The following SLC39A6 variants were observed in gnomAD, a reference collection of about 807,000 sequenced individuals.
SLC39A6 encodes the protein solute carrier family 39 member 6, also known as zinc transporter ZIP6.
In SLC39A6, 51 loss-of-function variants were observed where a neutral mutation model predicts 63.5. That is an observed-to-expected ratio of 0.80 (90% confidence interval 0.64 to 1.01). The LOEUF is 1.01. Ranked by LOEUF, SLC39A6 falls within the 50% of genes least tolerant of loss-of-function variation. The pLI is 0.00. For missense variants in SLC39A6, 805 were observed against 927.8 expected (o/e 0.87, Z 1.72); for synonymous variants, 318 against 324.7 (o/e 0.98, Z 0.22).
At position 36,126,466 on chromosome 18, in the gene SLC39A6, C is replaced by T. The variant is rs1567961880; in HGVS notation, c.542G>A (p.Ser181Asn). Residue 181 changes from serine (S) to asparagine (N), a missense_variant, in exon 2 of 10, where the codon AGT becomes AAT. Transcript: ENST00000269187. Reference sequence around the variant, plus strand: ...TGAGGTCACTTCACTAGCACTAACACTGTCCTTGACATTCCTTCTACCACT... The same window carrying T: ...TGAGGTCACTTCACTAGCACTAACATTGTCCTTGACATTCCTTCTACCACT... ...HASGRRNVKDSVSASEVTSTV... is the reference protein window; with the variant it reads ...HASGRRNVKDNVSASEVTSTV... The T allele has an allele frequency of 1.2e-6, 2 of 1,614,274 alleles. No individual in the cohort carries two copies. Among genetic ancestry groups the T allele is most frequent in the Non-Finnish European group, 1.7e-6 (2 of 1,180,048 alleles).
rs748741157 is a variant in SLC39A6 at position 36,127,011 on chromosome 18, G to A, written c.-4C>T. 26 of 1,589,214 alleles carry A rather than the reference G, an allele frequency of 1.6e-5. No homozygotes were observed. Among genetic ancestry groups the A allele is most frequent in the Non-Finnish European group, 2.0e-5 (23 of 1,168,828 alleles). On this transcript the variant is annotated 5_prime_UTR_variant, in exon 2 of 10. Coordinates refer to ENST00000269187, the MANE Select transcript of SLC39A6 (RefSeq NM_012319.4). ...TTACAGATAACTTCCTCGCCATTGC[G>A]CCTTCCTAGAAAAGACAGGAAAAAA...
At chr18:36,118,836 T>A (rs1013587405) in intron 5 of SLC39A6, among the ~76,000 whole-genome samples, 1 of 152,176 alleles carries the variant, frequency 6.6e-6, no homozygotes, top group Non-Finnish European at 1.5e-5. Flanking sequence ...AGGCTCCTAT[T>A]AGGAGGCAGT....
intron 1 of SLC39A6, among the ~76,000 whole-genome samples, chr18:36,127,778 G>GTTT (rs34708394): frequency 1.6e-4 from 21 of 130,212 alleles, no homozygotes; most frequent in East Asian, 2.3e-4. Flanking sequence ...TTTTTTTAAA[G>GTTT]TTTTTTTTTT....
Position 36,124,624 on chromosome 18 carries a change from T to G in SLC39A6, c.866A>C (p.Tyr289Ser). 1 of 1,598,872 alleles carries G rather than the reference T, an allele frequency of 6.3e-7. No individual in the cohort carries two copies. Among genetic ancestry groups the G allele is most frequent in the Non-Finnish European group, 8.6e-7 (1 of 1,167,752 alleles). The change falls in exon 3 of 10, where the codon TAT becomes TCT. Residue 289 changes from tyrosine to serine, a missense_variant. Physicochemically the swap from Tyr to Ser is moderately radical, Grantham distance 144. Around this residue, in one of 4 missense-constraint regions of SLC39A6, gnomAD observed 639 missense variants for 644.0 expected, o/e 0.99. Transcript: ENST00000269187. Reference protein sequence around the residue: ...QVPLNATEFNYLCPAIINQID... With the variant: ...QVPLNATEFNSLCPAIINQID... ...TTGGTTGATGATGGCTGGACAGAGATAGTTGAACTCTGTTGCATTCAGCGG... is the reference window on the plus strand; with the variant it reads ...TTGGTTGATGATGGCTGGACAGAGAGAGTTGAACTCTGTTGCATTCAGCGG...
chr18:36,114,399 T>C lies in SLC39A6; in HGVS notation c.1541A>G (p.Glu514Gly). Residue 514 changes from glutamate (E) to glycine (G), a missense_variant, in exon 7 of 10, where the codon GAA (glutamate) becomes GGA (glycine). Glu to Gly is a moderately conservative substitution (Grantham distance 98, BLOSUM62 -2). Around this residue, in one of 4 missense-constraint regions of SLC39A6, gnomAD observed 639 missense variants for 644.0 expected, o/e 0.99. Coordinates refer to ENST00000269187, the MANE Select transcript of SLC39A6 (RefSeq NM_012319.4). ...AGCATGAGCTATCATGACCTCTTCT[T>C]CTTCCAAGACTGCAGGCTGCTGAGA... The part of the protein sequence containing the change: ...FDSQQPAVLE[E>G]EEVMIAHAHP... The C allele has an allele frequency of 6.2e-7, 1 of 1,614,238 alleles. No individual in the cohort carries two copies. Among genetic ancestry groups the C allele is most frequent in the Non-Finnish European group, 8.5e-7 (1 of 1,180,042 alleles).
At chr18:36,116,585 G>T in intron 6 of SLC39A6, 89 bp downstream of exon 6, 1 of 850,298 alleles carries the variant, frequency 1.2e-6, no homozygotes, top group Non-Finnish European at 1.9e-6. Context: ...CAAGGGACAT[G>T]GTCCCATTTC....
At chr18:36,120,582 C>T (rs1311421639) in intron 5 of SLC39A6, among the ~76,000 whole-genome samples, 4 of 152,214 alleles carry the variant, frequency 2.6e-5, no homozygotes, top group East Asian at 1.9e-4. Flanking sequence ...AACCTCTTCA[C>T]GCCAGTTATA....
intron 5 of SLC39A6, 73 bp from the exon 6 acceptor site, chr18:36,116,852 G>T: frequency 9.4e-7 from 1 of 1,061,798 alleles, no homozygotes; most frequent in Non-Finnish European, 1.4e-6. Context: ...TCAATAACCA[G>T]GTAAGCAAAA....
chr18:36,117,575 T>A (rs1336264066), intron 5 of SLC39A6, among the ~76,000 whole-genome samples: 1 of 152,184 alleles, frequency 6.6e-6, no homozygotes, highest in African/African-American at 2.4e-5. Context: ...TGTCTGTGTA[T>A]CATCTACTTA....
rs1189532714 is a variant in SLC39A6, at chr18:36,114,127, G to A, written c.1813C>T (p.Leu605=). 1 of 1,612,152 alleles carries A rather than the reference G, an allele frequency of 6.2e-7. No homozygotes were observed. Among genetic ancestry groups the A allele is most frequent in the African/African-American group, 1.3e-5 (1 of 74,884 alleles). Residue 605 remains leucine, a synonymous_variant, in exon 7 of 10, where the codon CTG becomes TTG. Coordinates refer to ENST00000269187, the MANE Select transcript of SLC39A6 (RefSeq NM_012319.4). The part of the protein sequence containing the change: ...LAWMVIMGDG[L]HNFSDGLAIG... ...GCTAGGCCATCGCTGAAATTGTGCA[G>A]GCCATCACCCATTATCACCATCCAG...
At chr18:36,109,790 T>C (rs565520323) in intron 9 of SLC39A6, 45 bp from the exon 10 acceptor site, 96 of 1,536,792 alleles carry the variant, frequency 6.2e-5, no homozygotes, top group Middle Eastern at 1.7e-4. Context: ...TTTAAGTTTT[T>C]AGAACTACAG....
chr18:36,116,710 G>C lies in SLC39A6; in HGVS notation c.1429C>G (p.Leu477Val), dbSNP rs1404374844. The C allele has an allele frequency of 5.0e-6, 8 of 1,612,870 alleles. No individual in the cohort carries two copies. The highest frequency in any genetic ancestry group is 6.8e-6 in the Non-Finnish European group (8 of 1,179,298). The change falls in exon 6 of 10, where the codon CTT becomes GTT. Residue 477 changes from leucine to valine, a missense_variant. Physicochemically the swap from Leu to Val is conservative, Grantham distance 32 (BLOSUM62 1). Around this residue, in one of 4 missense-constraint regions of SLC39A6, gnomAD observed 639 missense variants for 644.0 expected, o/e 0.99. Coordinates refer to ENST00000269187, the MANE Select transcript of SLC39A6 (RefSeq NM_012319.4). ...KKQLSKYESQLSTNEEKVDTD... is the reference protein window; with the variant it reads ...KKQLSKYESQVSTNEEKVDTD... ...TCTACTTTCTCCTCATTTGTTGAAA[G>C]TTGAGATTCATACTTGGACAACTGC...
chr18:36,123,583 C>A lies in SLC39A6; in HGVS notation c.1052G>T (p.Arg351Leu), dbSNP rs1268564771. The A allele has an allele frequency of 6.2e-6, 10 of 1,613,452 alleles. No individual in the cohort carries two copies. Among genetic ancestry groups the A allele is most frequent in the Non-Finnish European group, 8.5e-6 (10 of 1,179,842 alleles). The change falls in exon 4 of 10, where the codon CGG becomes CTG. Residue 351 changes from arginine (R) to leucine (L), a missense_variant. Physicochemically the swap from Arg to Leu is moderately radical, Grantham distance 102. Transcript: ENST00000269187. ...LGVILVPLMN[R>L]VFFKFLLSFL... ...ACTCAGGAGAAATTTGAAAAACACCCGATTCATGAGAGGCACTAAGATAAC... is the reference window on the plus strand; with the variant it reads ...ACTCAGGAGAAATTTGAAAAACACCAGATTCATGAGAGGCACTAAGATAAC...
At chr18:36,117,109 C>A (rs749031241) in intron 5 of SLC39A6, among the ~76,000 whole-genome samples, 1 of 152,152 alleles carries the variant, frequency 6.6e-6, no homozygotes, top group Non-Finnish European at 1.5e-5. Context: ...TGGTGGCATG[C>A]GCCTGTATTC....
At chr18:36,115,578 C>T (rs929782159) in intron 6 of SLC39A6, among the ~76,000 whole-genome samples, 1 of 152,078 alleles carries the variant, frequency 6.6e-6, no homozygotes, top group African/African-American at 2.4e-5. Flanking sequence ...AAAGGAGATA[C>T]CTGATTTGAG....
rs2089326670 is a variant in SLC39A6 at position 36,114,388 on chromosome 18, T to C, written c.1552A>G (p.Met518Val). 2 of 1,614,140 alleles carry C rather than the reference T, an allele frequency of 1.2e-6. No homozygotes were observed. Among genetic ancestry groups the C allele is most frequent in the South Asian group, 1.1e-5 (1 of 91,088 alleles). Residue 518 changes from methionine to valine, a missense_variant, in exon 7 of 10, where the codon ATG becomes GTG. By Grantham distance (21) the Met-to-Val change is conservative. This residue lies in a region of SLC39A6 where 639 missense variants were observed against 644.0 expected (regional missense o/e 0.99). Coordinates refer to ENST00000269187, the MANE Select transcript of SLC39A6 (RefSeq NM_012319.4). ...TCCTGTGGATGAGCATGAGCTATCA[T>C]GACCTCTTCTTCTTCCAAGACTGCA... is the stretch of plus-strand genomic sequence containing the variant. Reference protein sequence around the residue: ...QPAVLEEEEVMIAHAHPQEVY... With the variant: ...QPAVLEEEEVVIAHAHPQEVY...
At chr18:36,113,717 A>G (rs1448159368) in intron 7 of SLC39A6, among the ~76,000 whole-genome samples, 1 of 152,224 alleles carries the variant, frequency 6.6e-6, no homozygotes, top group Non-Finnish European at 1.5e-5. Flanking sequence ...CTTTAGCATA[A>G]AAGATGATGG....
intron 9 of SLC39A6, 127 bp downstream of exon 9, chr18:36,110,932 C>G (rs1294539909): frequency 9.7e-6 from 14 of 1,437,208 alleles, no homozygotes; most frequent in Non-Finnish European, 1.3e-5. Context: ...TTGAGACCAG[C>G]CTGGACGACA....
At chr18:36,113,029 T>C (rs1456215434) in intron 7 of SLC39A6, among the ~76,000 whole-genome samples, 1 of 152,148 alleles carries the variant, frequency 6.6e-6, no homozygotes, top group Non-Finnish European at 1.5e-5. Flanking sequence ...CTAAGACAAA[T>C]AGCCGTCCCC....
Sources: allele counts gnomAD v4.1 joint callset (sites outside exome capture counted in the v4.1 genomes callset), GRCh38; gene constraint gnomAD v4.1.1; regional missense constraint gnomAD v4.1.1; transcripts MANE v1.5; gene names NCBI Gene and HGNC (gene_info 2026-07-23, HGNC 2026-07-21).